The following CFAP69 variants were observed in gnomAD, a reference collection of about 807,000 sequenced individuals.
The protein encoded by CFAP69 is cilia- and flagella-associated protein 69.
CFAP69 carries 92 observed loss-of-function variants against 123.0 expected under a neutral mutation model. The observed-to-expected ratio is 0.75, with a 90% CI of 0.63 to 0.89. The LOEUF (loss-of-function observed/expected upper bound fraction) is 0.89, where lower values mean the gene tolerates loss of function less well. Among genes scored for constraint, CFAP69 ranks in the 40% least tolerant of loss-of-function variants. CFAP69 has a pLI of 0.00. For synonymous variants in CFAP69, 380 were observed against 364.3 expected (o/e 1.04, Z -0.49); for missense variants, 1,067 against 1,096.9 (o/e 0.97, Z 0.39).
At chr7:90,295,384 C>T (rs894403767) in intron 15 of CFAP69, among the ~76,000 whole-genome samples, 1 of 152,172 alleles carries the variant, frequency 6.6e-6, no homozygotes, top group African/African-American at 2.4e-5. Context: ...CTAAGTTGAC[C>T]TCTAACCCAA....
downstream of CFAP69, among the ~76,000 whole-genome samples, chr7:90,315,849 T>C (rs1221746764): frequency 1.3e-5 from 2 of 152,158 alleles, no homozygotes; most frequent in East Asian, 3.9e-4. Flanking sequence ...TCCCAGCACT[T>C]TGGGAGGCAG....
intron 1 of CFAP69, among the ~76,000 whole-genome samples, chr7:90,246,720 T>A (rs556476597): frequency 6.6e-6 from 1 of 151,988 alleles, no homozygotes; most frequent in South Asian, 2.1e-4. Flanking sequence ...GGGGCAAAAC[T>A]GAAAAGTATG....
Position 90,245,435 on chromosome 7 carries a change from AG to A in CFAP69, c.13del (p.Glu5LysfsTer29). 6.4e-7 allele frequency: 1 copy of A among 1,558,894 alleles called. No homozygotes were observed. The highest frequency in any genetic ancestry group is 8.7e-7 in the Non-Finnish European group (1 of 1,154,416). On this transcript the variant is annotated frameshift_variant, in exon 1 of 23. Coordinates refer to ENST00000389297, the MANE Select transcript of CFAP69 (RefSeq NM_001039706.3). LOFTEE classifies it high-confidence loss of function. MWTEEAGATAEAQE... is the reference protein window; with the variant it reads MWTXEAGATAEAQE... ...CCGCCGCCACCGGCCATGTGGACAG[AG>A]GAAGCCGGGGCGACCGCCGAGGCCC...
At chr7:90,307,924 C>T (rs1793848333) in intron 21 of CFAP69, 70 bp downstream of exon 21, 2 of 960,348 alleles carry the variant, frequency 2.1e-6, no homozygotes, top group East Asian at 2.7e-5. Context: ...TTTTCAGGAA[C>T]AAATATTCAT....
chr7:90,320,674 G>A, the CFAP69 span: 2 of 152,236 alleles, frequency 1.3e-5, no homozygotes, highest in Non-Finnish European at 2.9e-5. Flanking sequence ...CAGAACACAG[G>A]ACTCACCTTT....
At chr7:90,305,339 T>TAAA (rs1214395186) in intron 19 of CFAP69, among the ~76,000 whole-genome samples, 1 of 65,330 alleles carries the variant, frequency 1.5e-5, no homozygotes. Context: ...AGACTCCGTC[T>TAAA]AAAAAAAAAA....
intron 15 of CFAP69, 50 bp downstream of exon 15, chr7:90,288,402 A>G: frequency 6.4e-7 from 1 of 1,567,312 alleles, no homozygotes; most frequent in South Asian, 1.2e-5. Flanking sequence ...GTCATGCATC[A>G]CTTTACAACA....
At chr7:90,315,846 A>C (rs1488876990), downstream of CFAP69, among the ~76,000 whole-genome samples, 1 of 152,228 alleles carries the variant, frequency 6.6e-6, no homozygotes, top group Non-Finnish European at 1.5e-5. Context: ...TAATCCCAGC[A>C]CTTTGGGAGG....
chr7:90,307,484 T>C (rs552226773), intron 20 of CFAP69, among the ~76,000 whole-genome samples: 3 of 152,282 alleles, frequency 2.0e-5, no homozygotes, highest in South Asian at 2.1e-4. Context: ...TTTTTCTTAC[T>C]TGTGGGTGTT....
Position 90,307,772 on chromosome 7 carries a change from A to G in CFAP69, c.2468A>G (p.Gln823Arg). 1.3e-6 allele frequency: 2 copies of G among 1,583,358 alleles called. No individual in the cohort carries two copies. Among genetic ancestry groups the G allele is most frequent in the Non-Finnish European group, 1.7e-6 (2 of 1,168,184 alleles). Residue 823 changes from glutamine (Q) to arginine (R), a missense_variant, in exon 21 of 23, where the codon CAG becomes CGG. By Grantham distance (43) the Gln-to-Arg change is conservative (BLOSUM62 1). Transcript: ENST00000389297. ...QNEQKVYAKI[Q>R]ATHKQRELAN... is the part of the protein sequence containing the mutation. Reference sequence around the variant, plus strand: ...TAATTATCTTTCTCATTTCAGATACAGGCCACGCACAAGCAAAGAGAGCTG... The same window carrying G: ...TAATTATCTTTCTCATTTCAGATACGGGCCACGCACAAGCAAAGAGAGCTG...
At chr7:90,293,786 A>G (rs1220142213) in intron 15 of CFAP69, among the ~76,000 whole-genome samples, 2 of 152,242 alleles carry the variant, frequency 1.3e-5, no homozygotes, top group Admixed American at 6.5e-5. Flanking sequence ...GGACCCAGAC[A>G]GAAGTACAGA....
intron 15 of CFAP69, among the ~76,000 whole-genome samples, chr7:90,294,252 C>G (rs1330714546): frequency 1.3e-5 from 2 of 152,116 alleles, no homozygotes; most frequent in African/African-American, 4.8e-5. Context: ...AAACCTGATA[C>G]CTGATCTGCA....
intron 3 of CFAP69, 49 bp from the exon 4 acceptor site, chr7:90,261,898 T>C (rs1329022301): frequency 3.9e-6 from 4 of 1,012,826 alleles, no homozygotes; most frequent in Non-Finnish European, 5.8e-6. Flanking sequence ...AAGAATATGT[T>C]AATAAAGATA....
chr7:90,306,117 G>T (rs1004899178), intron 19 of CFAP69, among the ~76,000 whole-genome samples: 1 of 150,522 alleles, frequency 6.6e-6, no homozygotes, highest in African/African-American at 2.4e-5. Context: ...TTTTTATTGG[G>T]GGGGGGCGGG....
At position 90,304,299 on chromosome 7, in the gene CFAP69, G is replaced by A. The variant is rs368329337; in HGVS notation, c.2188+193G>A. ...CAGAATCTCTGTGTGTGGGATCCAG[G>A]CAATAGTATTTTTTAAAGCTCCCCA... On this transcript the variant is annotated intron_variant, in intron 18 of 22. Transcript: ENST00000389297. 9.1e-5 allele frequency: 118 copies of A among 1,303,034 alleles called. 1 individual carries two copies. The Middle Eastern group carries it at 2.4e-3, about 26-fold the overall frequency. 80.7% of individuals were successfully genotyped at this position (1,303,034 alleles called of 1,614,324 possible).
At position 90,262,041 on chromosome 7, in the gene CFAP69, T is replaced by A; in HGVS notation, c.341T>A (p.Ile114Asn). The A allele has an allele frequency of 1.9e-6, 3 of 1,581,574 alleles. No homozygotes were observed. The highest frequency in any genetic ancestry group is 2.6e-6 in the Non-Finnish European group (3 of 1,163,636). The change falls in exon 4 of 23, where the codon ATC becomes AAC. Residue 114 changes from isoleucine to asparagine, a missense_variant. Ile to Asn is a moderately radical substitution (Grantham distance 149). Coordinates refer to ENST00000389297, the MANE Select transcript of CFAP69 (RefSeq NM_001039706.3). ...CGTTTTATAGAATCTGCATATGATA[T>A]CATAAAACTGTGTGGGTAAGTTATC... ...QPRFIESAYD[I>N]IKLCGLPFLK...
intron 11 of CFAP69, 37 bp downstream of exon 11, chr7:90,277,371 T>C: frequency 7.1e-7 from 1 of 1,413,636 alleles, no homozygotes; most frequent in Non-Finnish European, 9.4e-7. Flanking sequence ...CAATAAAAAT[T>C]GTCTTACTTT....
At chr7:90,274,817 G>A (rs954949004) in intron 9 of CFAP69, among the ~76,000 whole-genome samples, 1 of 152,092 alleles carries the variant, frequency 6.6e-6, no homozygotes, top group Non-Finnish European at 1.5e-5. Context: ...TATTTGTTCT[G>A]CTTAGGTTTC....
intron 16 of CFAP69, among the ~76,000 whole-genome samples, chr7:90,298,210 C>T (rs1177686621): frequency 2.0e-5 from 3 of 152,124 alleles, no homozygotes; most frequent in East Asian, 1.9e-4. Context: ...ATAAGGGCCA[C>T]GTTAGACAAG....
Sources: gnomAD v4.1 joint callset for allele counts (sites outside exome capture counted in the v4.1 genomes callset) on GRCh38, gnomAD v4.1.1 for gene constraint, MANE v1.5 for transcripts, NCBI Gene and HGNC (gene_info 2026-07-23, HGNC 2026-07-21) for gene names.